RYR3: variants seen among roughly 807,000 people sequenced by gnomAD.
The protein encoded by RYR3 is ryanodine receptor 3, also known as brain ryanodine receptor-calcium release channel.
A neutral mutation model predicts 584.3 loss-of-function variants in RYR3; 207 were observed. That is an observed-to-expected ratio of 0.35 (90% confidence interval 0.32 to 0.40). The LOEUF (loss-of-function observed/expected upper bound fraction) is 0.40, where lower values mean the gene tolerates loss of function less well. RYR3 is among the 10% of genes least tolerant of loss of function. The pLI is 1.00. For missense variants in RYR3, 5,616 were observed against 6,089.2 expected (o/e 0.92, Z 2.59); for synonymous variants, 2,416 against 2,248.5 (o/e 1.07, Z -2.11).
intron 2 of RYR3, among the ~76,000 whole-genome samples, chr15:33,489,152 CA>C (rs2050751047): frequency 6.6e-6 from 1 of 152,172 alleles, no homozygotes; most frequent in Non-Finnish European, 1.5e-5. Flanking sequence ...GAAATGCCTA[CA>C]ATTTTTTTTA....
chr15:33,510,004 G>A (rs1369983459), intron 3 of RYR3, among the ~76,000 whole-genome samples: 1 of 152,104 alleles, frequency 6.6e-6, no homozygotes, highest in Admixed American at 6.5e-5. Flanking sequence ...TAAATCTATG[G>A]CTGACCATCC....
intron 60 of RYR3, 82 bp downstream of exon 60, chr15:33,757,678 G>C: frequency 6.9e-7 from 1 of 1,448,348 alleles, no homozygotes; most frequent in East Asian, 2.4e-5. Context: ...TAAAAGGCGA[G>C]TCTTTTGGAG....
rs538927450 is a variant in RYR3, at chr15:33,791,727, T to G, written c.9830+3269T>G. ...GAAGGAAGTTGCATTTAATGAGAGG[T>G]GAGGTTTTGCAAAGTGAGTATAACA... On this transcript the variant is annotated intron_variant, in intron 67 of 103. Transcript: ENST00000634891. 7.8e-4 allele frequency among the ~76,000 whole-genome samples: 118 copies of G among 152,122 alleles called. 1 individual carries two copies. Among genetic ancestry groups the G allele is most frequent in the Non-Finnish European group, 1.3e-3 (89 of 67,988 alleles).
chr15:33,352,459 T>C (rs1197339616), intron 1 of RYR3, among the ~76,000 whole-genome samples: 1 of 152,140 alleles, frequency 6.6e-6, no homozygotes, highest in Non-Finnish European at 1.5e-5. Flanking sequence ...TGATAACCAC[T>C]GGTCTAGATT....
At chr15:33,349,267 T>TA (rs893073327) in intron 1 of RYR3, among the ~76,000 whole-genome samples, 1 of 152,152 alleles carries the variant, frequency 6.6e-6, no homozygotes, top group African/African-American at 2.4e-5. Context: ...TGTGTAGACA[T>TA]AAGGTTTCAG....
chr15:33,311,354 C>T lies in RYR3; in HGVS notation c.51+258C>T, dbSNP rs981117246. Among the ~76,000 whole-genome samples the T allele has an allele frequency of 2.0e-5, 3 of 152,226 alleles. No homozygotes were observed. The highest frequency in any genetic ancestry group is 2.9e-5 in the Non-Finnish European group (2 of 68,036). On this transcript the variant is annotated intron_variant, in intron 1 of 103. Coordinates refer to ENST00000634891, the MANE Select transcript of RYR3 (RefSeq NM_001036.6). This position sits in a 1 kb window ranked among gnomAD's most constrained non-coding sequence, Gnocchi z 4.4. Reference sequence around the variant, plus strand: ...CCCAGGCCCTCCACCTAGGACCGCTCGCTCTCCAGGCAACTTGCTACTTGG... The same window carrying T: ...CCCAGGCCCTCCACCTAGGACCGCTTGCTCTCCAGGCAACTTGCTACTTGG...
intron 2 of RYR3, among the ~76,000 whole-genome samples, chr15:33,499,639 T>A (rs2051775626): frequency 6.6e-6 from 1 of 152,254 alleles, no homozygotes; most frequent in Admixed American, 6.5e-5. Flanking sequence ...TATTTTAAGC[T>A]GTTTAAGTAA....
At chr15:33,690,638 C>T (rs984326807) in intron 38 of RYR3, among the ~76,000 whole-genome samples, 18 of 152,176 alleles carry the variant, frequency 1.2e-4, no homozygotes, top group African/African-American at 3.9e-4. Context: ...GAACAGGTTT[C>T]ATCTTAGCTG....
intron 6 of RYR3, 34 bp from the exon 7 acceptor site, chr15:33,540,757 T>C: frequency 1.5e-6 from 2 of 1,378,832 alleles, no homozygotes; most frequent in Non-Finnish European, 2.1e-6. Context: ...GGACTGGTGA[T>C]TTAAAAGATG....
At chr15:33,554,243 T>C (rs995430043) in intron 10 of RYR3, among the ~76,000 whole-genome samples, 17 of 151,974 alleles carry the variant, frequency 1.1e-4, no homozygotes, top group Non-Finnish European at 1.9e-4. Flanking sequence ...ATCAGTGTGG[T>C]CATACCTTGA....
intron 38 of RYR3, among the ~76,000 whole-genome samples, chr15:33,674,218 G>A (rs930047411): frequency 4.6e-5 from 7 of 152,152 alleles, no homozygotes; most frequent in African/African-American, 1.7e-4. Context: ...TACGAAATAA[G>A]TCCTAGCCCC....
At chr15:33,559,707 T>C (rs1398651844) in intron 10 of RYR3, among the ~76,000 whole-genome samples, 1 of 152,186 alleles carries the variant, frequency 6.6e-6, no homozygotes, top group Non-Finnish European at 1.5e-5. Context: ...GTGAATTGAT[T>C]AGATTGCATA....
At chr15:33,673,433 T>TA (rs1167866440) in intron 38 of RYR3, among the ~76,000 whole-genome samples, 4 of 152,240 alleles carry the variant, frequency 2.6e-5, no homozygotes, top group Non-Finnish European at 5.9e-5. Context: ...CTCCAAGCCA[T>TA]ATTGTTAATG....
chr15:33,586,481 A>T (rs1224389501), intron 16 of RYR3, among the ~76,000 whole-genome samples: 1 of 152,220 alleles, frequency 6.6e-6, no homozygotes, highest in Non-Finnish European at 1.5e-5. Flanking sequence ...CAAGCTGTAT[A>T]GAAAAGGTAT....
chr15:33,767,803 T>C (rs73381175), intron 60 of RYR3, among the ~76,000 whole-genome samples: 2,505 of 152,290 alleles, frequency 0.016, 65 homozygotes, highest in African/African-American at 0.057. Context: ...TAATGTCAGT[T>C]CTGAGCAATC....
At position 33,437,113 on chromosome 15, in the gene RYR3, ATAGAGTGTGTGTGTGTGT is replaced by A. The variant is rs1488888289; in HGVS notation, c.52-36305_52-36288del. 1.6e-4 allele frequency among the ~76,000 whole-genome samples: 21 copies of A among 128,216 alleles called. 1 individual carries two copies. The highest frequency in any genetic ancestry group is 4.7e-4 in the Admixed American group (6 of 12,660). 84.1% of individuals were successfully genotyped at this position (128,216 alleles called of 152,430 possible). A position where few individuals can be genotyped will look rare whatever the true frequency, so the allele number is the denominator to read the frequency against. ...GTTTGAGTGTGTGTGAGAGAGAGAG[ATAGAGTGTGTGTGTGTGT>A]GTGTGTGTGTGTGTGTGTGTGTGTG... On this transcript the variant is annotated intron_variant, in intron 1 of 103. Coordinates refer to ENST00000634891, the MANE Select transcript of RYR3 (RefSeq NM_001036.6).
intron 5 of RYR3, among the ~76,000 whole-genome samples, chr15:33,538,604 C>T (rs1342250290): frequency 1.3e-5 from 2 of 152,134 alleles, no homozygotes; most frequent in Non-Finnish European, 2.9e-5. Context: ...CTGTTCAGGG[C>T]AGGGAAAGGC....
rs1284865150 is a variant in RYR3, at chr15:33,748,153, A to G, written c.8029A>G (p.Lys2677Glu). The G allele has an allele frequency of 6.2e-7, 1 of 1,613,956 alleles. No individual in the cohort carries two copies. The highest frequency in any genetic ancestry group is 8.5e-7 in the Non-Finnish European group (1 of 1,179,858). Residue 2677 changes from lysine (K) to glutamate (E), a missense_variant, in exon 54 of 104, where the codon AAA (lysine) becomes GAA (glutamate). Coordinates refer to ENST00000634891, the MANE Select transcript of RYR3 (RefSeq NM_001036.6). ...TCGCTGGCCTGCGCGAGAGTCCCTGAAAACCATGCTGGCTGTGGGCTGGAC... is the reference window on the plus strand; with the variant it reads ...TCGCTGGCCTGCGCGAGAGTCCCTGGAAACCATGCTGGCTGTGGGCTGGAC... ...IYRWPARESL[K>E]TMLAVGWTVE... is the part of the protein sequence containing the mutation.
At chr15:33,587,708 C>T (rs575784262) in intron 16 of RYR3, among the ~76,000 whole-genome samples, 1 of 152,300 alleles carries the variant, frequency 6.6e-6, no homozygotes, top group South Asian at 2.1e-4. Flanking sequence ...CAAAGACGTT[C>T]CTTTTCCATC....
Sources: gnomAD v4.1 joint callset for allele counts (sites outside exome capture counted in the v4.1 genomes callset) on GRCh38, gnomAD v4.1.1 for gene constraint, Gnocchi (gnomAD v3.1) non-coding constraint, MANE v1.5 for transcripts, NCBI Gene and HGNC (gene_info 2026-07-23, HGNC 2026-07-21) for gene names.